The following BANK1 variants were observed in gnomAD, a reference collection of about 807,000 sequenced individuals.
BANK1 encodes the protein B-cell scaffold protein with ankyrin repeats.
BANK1 carries 95 observed loss-of-function variants against 94.5 expected under a neutral mutation model. That is an observed-to-expected ratio of 1.00 (90% CI 0.85 to 1.19). The LOEUF is 1.19. Ranked by LOEUF, BANK1 falls within the 50% of genes most tolerant of loss-of-function variation. BANK1 has a pLI of 0.00. For missense variants in BANK1, 987 were observed against 932.2 expected (o/e 1.06, Z -0.77); for synonymous variants, 334 against 308.4 (o/e 1.08, Z -0.87).
chr4:102,046,017 G>A (rs1727866403), intron 11 of BANK1, among the ~76,000 whole-genome samples: 1 of 148,044 alleles, frequency 6.8e-6, no homozygotes, highest in South Asian at 2.2e-4. Context: ...AAAGCTGGAG[G>A]CATCACGCTA....
chr4:101,933,328 A>AAC (rs397763802), intron 7 of BANK1, among the ~76,000 whole-genome samples: 1 of 150,840 alleles, frequency 6.6e-6, no homozygotes, highest in Admixed American at 6.6e-5. Context: ...AAAAAAAAAA[A>AAC]GCTAAGCATG....
At chr4:101,871,593 CAGGT>C (rs1728289630) in intron 5 of BANK1, among the ~76,000 whole-genome samples, 1 of 151,996 alleles carries the variant, frequency 6.6e-6, no homozygotes, top group South Asian at 2.1e-4. Flanking sequence ...AACATTAAGA[CAGGT>C]AGTGAAATAA....
intron 7 of BANK1, among the ~76,000 whole-genome samples, chr4:101,952,969 A>G (rs532458285): frequency 2.0e-5 from 3 of 152,290 alleles, no homozygotes; most frequent in Admixed American, 2.0e-4. Flanking sequence ...ATACCCTTGC[A>G]GTAATGATTA....
Position 101,944,041 on chromosome 4 carries a change from A to T in BANK1, c.1206+25852A>T, listed in dbSNP as rs200379010. On this transcript the variant is annotated intron_variant, in intron 7 of 16. Coordinates refer to ENST00000322953, the MANE Select transcript of BANK1 (RefSeq NM_017935.5). ...GTGTGTTTGTGTGTGTGTGTGTGTG[A>T]GAGAGAGAGAGAGAGAGAGAGAGAC... 5.3e-3 allele frequency among the ~76,000 whole-genome samples: 743 copies of T among 138,886 alleles called. 12 individuals are homozygous for T. The East Asian group carries it at 0.065, about 12-fold the overall frequency. The allele number at this position is 138,886 out of a possible 152,430, so 91.1% of individuals were successfully genotyped here.
chr4:101,919,487 G>T (rs570693926), intron 7 of BANK1, among the ~76,000 whole-genome samples: 26 of 152,038 alleles, frequency 1.7e-4, no homozygotes, highest in African/African-American at 5.3e-4. Flanking sequence ...AGGATATGAG[G>T]TTTGATGGAT....
intron 2 of BANK1, among the ~76,000 whole-genome samples, chr4:101,837,576 C>T (rs1726877020): frequency 6.6e-6 from 1 of 152,128 alleles, no homozygotes; most frequent in Non-Finnish European, 1.5e-5. Flanking sequence ...ATTTTTCCCT[C>T]AATGTATGGT....
At chr4:101,885,042 C>G (rs535242076) in intron 5 of BANK1, among the ~76,000 whole-genome samples, 8 of 152,266 alleles carry the variant, frequency 5.3e-5, no homozygotes, top group African/African-American at 1.7e-4. Context: ...CTCAGTCTCC[C>G]GAGTAGCTGG....
chr4:101,870,715 G>A, intron 5 of BANK1, 71 bp downstream of exon 5: 6 of 1,489,774 alleles, frequency 4.0e-6, no homozygotes, highest in Non-Finnish European at 5.4e-6. Context: ...GAGGATTCAT[G>A]CTTTGGTATA....
intron 5 of BANK1, among the ~76,000 whole-genome samples, chr4:101,871,782 A>G (rs960159527): frequency 1.3e-5 from 2 of 152,182 alleles, no homozygotes; most frequent in Non-Finnish European, 2.9e-5. Flanking sequence ...TAAAGGTAAT[A>G]TATTGCATTG....
At chr4:101,905,927 G>A (rs1206559036) in intron 6 of BANK1, among the ~76,000 whole-genome samples, 2 of 152,120 alleles carry the variant, frequency 1.3e-5, no homozygotes, top group Non-Finnish European at 1.5e-5. Flanking sequence ...TAAAGGAAGG[G>A]TATTGTTCCC....
intron 2 of BANK1, among the ~76,000 whole-genome samples, chr4:101,833,177 C>G (rs919675940): frequency 2.5e-4 from 38 of 152,244 alleles, no homozygotes; most frequent in African/African-American, 8.9e-4. Flanking sequence ...TTCGGTTTCT[C>G]CATGTTGGTC....
chr4:101,984,409 A>G (rs1725418486), intron 7 of BANK1, among the ~76,000 whole-genome samples: 1 of 152,050 alleles, frequency 6.6e-6, no homozygotes, highest in African/African-American at 2.4e-5. Flanking sequence ...AAGACCACTA[A>G]CTTACCAGGA....
chr4:102,065,083 A>C lies in BANK1; in HGVS notation c.2212+1945A>C, dbSNP rs189835752. Among the ~76,000 whole-genome samples the C allele has an allele frequency of 1.2e-3, 189 of 152,340 alleles. 2 individuals are homozygous for C. The highest frequency in any genetic ancestry group is 6.9e-3 in the Admixed American group (106 of 15,310). Reference sequence around the variant, plus strand: ...AGGGTATTGAAAGCAAAAGAGAGACACTAGAGGTTGAGCAGAGTTGAGGAA... The same window carrying C: ...AGGGTATTGAAAGCAAAAGAGAGACCCTAGAGGTTGAGCAGAGTTGAGGAA... On this transcript the variant is annotated intron_variant, in intron 13 of 16. Coordinates refer to ENST00000322953, the MANE Select transcript of BANK1 (RefSeq NM_017935.5).
intron 7 of BANK1, among the ~76,000 whole-genome samples, chr4:101,929,298 A>G (rs915144820): frequency 2.6e-5 from 4 of 151,652 alleles, no homozygotes; most frequent in African/African-American, 9.7e-5. Context: ...AATCTACTTC[A>G]TGAAACATCA....
chr4:101,820,647 C>A (rs111243385), intron 1 of BANK1, among the ~76,000 whole-genome samples: 9 of 152,144 alleles, frequency 5.9e-5, no homozygotes, highest in Non-Finnish European at 1.3e-4. Flanking sequence ...TCAAGCATAC[C>A]CCAGTGACTG....
intron 1 of BANK1, among the ~76,000 whole-genome samples, chr4:101,829,342 T>C (rs1332158675): frequency 6.6e-6 from 1 of 152,102 alleles, no homozygotes; most frequent in African/African-American, 2.4e-5. Context: ...ATCCTTATAC[T>C]GAATCTTTTC....
intron 9 of BANK1, among the ~76,000 whole-genome samples, chr4:102,027,953 A>T (rs969805087): frequency 6.6e-6 from 1 of 152,114 alleles, no homozygotes; most frequent in Non-Finnish European, 1.5e-5. Context: ...TACAGTCTTG[A>T]CCCAATTACT....
chr4:101,949,288 T>C (rs959291023), intron 7 of BANK1, among the ~76,000 whole-genome samples: 2 of 152,122 alleles, frequency 1.3e-5, no homozygotes, highest in Non-Finnish European at 2.9e-5. Context: ...AGCAAAGATA[T>C]GCAAACTCTT....
chr4:101,902,422 T>A (rs894542170), intron 6 of BANK1, among the ~76,000 whole-genome samples: 1 of 152,226 alleles, frequency 6.6e-6, no homozygotes, highest in South Asian at 2.1e-4. Context: ...ATAAATATTG[T>A]TTAGCATGTA....
Sources: gnomAD v4.1 joint callset for allele counts (sites outside exome capture counted in the v4.1 genomes callset) on GRCh38, gnomAD v4.1.1 for gene constraint, MANE v1.5 for transcripts, NCBI Gene and HGNC (gene_info 2026-07-23, HGNC 2026-07-21) for gene names.